The following PRKN variants were observed in gnomAD, a reference collection of about 807,000 sequenced individuals.
PRKN encodes the protein parkin RBR E3 ubiquitin protein ligase.
In PRKN, 56 loss-of-function variants were observed where a neutral mutation model predicts 59.5. That is an observed-to-expected ratio of 0.94 (90% CI 0.76 to 1.18). The LOEUF is 1.18. PRKN is among the 50% of genes most tolerant of loss of function. The probability of loss-of-function intolerance (pLI) is 0.00; values close to 1 mark genes in which losing one functional copy is unlikely to be tolerated. For missense variants in PRKN, 657 were observed against 596.4 expected, an observed-to-expected ratio of 1.10 and a Z score of -1.06; for synonymous variants, 250 against 222.1, an observed-to-expected ratio of 1.13 and a Z score of -1.12.
chr6:161,737,847 A>G (rs1452651613), intron 7 of PRKN, among the ~76,000 whole-genome samples: 1 of 152,228 alleles, frequency 6.6e-6, no homozygotes, highest in Non-Finnish European at 1.5e-5. Flanking sequence ...AGGCTGATCA[A>G]GAAGAAGTGG....
intron 5 of PRKN, among the ~76,000 whole-genome samples, chr6:162,022,606 C>T (rs1783250546): frequency 6.6e-6 from 1 of 152,076 alleles, no homozygotes; most frequent in Non-Finnish European, 1.5e-5. Context: ...CAAATATTTT[C>T]TCTCATTCTG....
At chr6:161,580,311 A>T (rs1461147765) in intron 7 of PRKN, among the ~76,000 whole-genome samples, 1 of 152,214 alleles carries the variant, frequency 6.6e-6, no homozygotes, top group African/African-American at 2.4e-5. Flanking sequence ...GCAGTGCAGC[A>T]TCACAAGTGT....
At chr6:161,964,526 A>G (rs934865442) in intron 6 of PRKN, among the ~76,000 whole-genome samples, 3 of 152,054 alleles carry the variant, frequency 2.0e-5, no homozygotes, top group Admixed American at 6.5e-5. Flanking sequence ...GCTAGAAGAT[A>G]TATCTTTGAA....
intron 6 of PRKN, among the ~76,000 whole-genome samples, chr6:161,853,549 G>A (rs868468463): frequency 6.6e-6 from 1 of 152,156 alleles, no homozygotes; most frequent in Non-Finnish European, 1.5e-5. Flanking sequence ...CTTACACCAA[G>A]CACTAAACTG....
At chr6:161,978,554 T>C (rs1781140803) in intron 5 of PRKN, among the ~76,000 whole-genome samples, 1 of 152,230 alleles carries the variant, frequency 6.6e-6, no homozygotes, top group South Asian at 2.1e-4. Flanking sequence ...GCATGATTCT[T>C]TGGGATTAAC....
intron 2 of PRKN, among the ~76,000 whole-genome samples, chr6:162,421,493 T>C (rs1788962640): frequency 6.6e-6 from 1 of 152,232 alleles, no homozygotes. Flanking sequence ...CATGAAATGT[T>C]AACCTATTAT....
chr6:162,370,012 C>T (rs955743689), intron 2 of PRKN, among the ~76,000 whole-genome samples: 1 of 152,194 alleles, frequency 6.6e-6, no homozygotes. Flanking sequence ...CACATGGCCT[C>T]TCTATCATCA....
At chr6:162,124,933 T>A (rs1252843043) in intron 4 of PRKN, among the ~76,000 whole-genome samples, 1 of 152,068 alleles carries the variant, frequency 6.6e-6, no homozygotes, top group Non-Finnish European at 1.5e-5. Context: ...CTCAGTCAAG[T>A]GTCAAAGAAG....
At chr6:162,606,638 G>A (rs1022440742) in intron 1 of PRKN, among the ~76,000 whole-genome samples, 1 of 152,300 alleles carries the variant, frequency 6.6e-6, no homozygotes, top group Non-Finnish European at 1.5e-5. Context: ...AAAACTGACA[G>A]GACTTGGTGA....
intron 1 of PRKN, among the ~76,000 whole-genome samples, chr6:162,620,805 T>C (rs908533681): frequency 1.3e-5 from 2 of 152,222 alleles, no homozygotes; most frequent in African/African-American, 2.4e-5. Context: ...CCTCCTGCCT[T>C]AGCCTTCCAA....
chr6:162,306,538 GATTA>G (rs923059670), intron 2 of PRKN, among the ~76,000 whole-genome samples: 2 of 152,178 alleles, frequency 1.3e-5, no homozygotes, highest in Admixed American at 1.3e-4. Flanking sequence ...GAGTTGCGAA[GATTA>G]ATCATTTAAT....
intron 6 of PRKN, among the ~76,000 whole-genome samples, chr6:161,946,489 A>G (rs1779788963): frequency 6.6e-6 from 1 of 151,280 alleles, no homozygotes; most frequent in African/African-American, 2.4e-5. Context: ...TCTTGAATCC[A>G]TAGAATCCTC....
intron 1 of PRKN, among the ~76,000 whole-genome samples, chr6:162,662,748 T>C (rs1439759854): frequency 1.3e-5 from 2 of 152,208 alleles, no homozygotes; most frequent in Admixed American, 6.5e-5. Flanking sequence ...TGTGGCTTTA[T>C]TTCTGGTTTC....
In PRKN at chr6:161,471,454, C is replaced by G. The variant is rs540720527; in HGVS notation, c.1083+77400G>C. On this transcript the variant is annotated intron_variant, in intron 9 of 11. Transcript: ENST00000366898. The surrounding 1 kb of genome is among the most constrained non-coding windows in gnomAD (Gnocchi z 4.5). ...ACTAGGATGAAAAACCAAACTAAACCAAACCAAATCAAAACAACAAATCTT... is the reference window on the plus strand; with the variant it reads ...ACTAGGATGAAAAACCAAACTAAACGAAACCAAATCAAAACAACAAATCTT... Among the ~76,000 whole-genome samples, 1 of 152,082 alleles carries G rather than the reference C, an allele frequency of 6.6e-6. No individual in the cohort carries two copies. The highest frequency in any genetic ancestry group is 1.5e-5 in the Non-Finnish European group (1 of 67,988).
intron 2 of PRKN, among the ~76,000 whole-genome samples, chr6:162,434,633 T>G (rs925916712): frequency 5.9e-5 from 9 of 152,170 alleles, no homozygotes; most frequent in African/African-American, 2.2e-4. Context: ...ACATAAAGGA[T>G]CACATCCCAC....
intron 4 of PRKN, among the ~76,000 whole-genome samples, chr6:162,077,786 G>C (rs951993856): frequency 2.6e-5 from 4 of 151,942 alleles, no homozygotes; most frequent in African/African-American, 7.3e-5. Context: ...GATCACCTGA[G>C]ATCAGAAGTT....
chr6:162,055,948 C>T (rs1011285501), intron 4 of PRKN, among the ~76,000 whole-genome samples: 18 of 151,904 alleles, frequency 1.2e-4, no homozygotes, highest in Admixed American at 5.2e-4. Context: ...CACACACATG[C>T]ATGCCACACA....
At chr6:162,488,220 T>C (rs1792646503) in intron 1 of PRKN, among the ~76,000 whole-genome samples, 1 of 152,172 alleles carries the variant, frequency 6.6e-6, no homozygotes, top group Non-Finnish European at 1.5e-5. Context: ...CAATAATTCT[T>C]TGACTTTCTT....
chr6:161,605,794 G>A (rs1477327120), intron 7 of PRKN, among the ~76,000 whole-genome samples: 1 of 152,060 alleles, frequency 6.6e-6, no homozygotes, highest in Non-Finnish European at 1.5e-5. Context: ...ACAGGTATGA[G>A]CCACTGCACC....
Sources: allele counts gnomAD v4.1 joint callset (sites outside exome capture counted in the v4.1 genomes callset), GRCh38; gene constraint gnomAD v4.1.1; non-coding constraint Gnocchi (gnomAD v3.1); transcripts MANE v1.5; gene names NCBI Gene and HGNC (gene_info 2026-07-23, HGNC 2026-07-21).